The following KHDRBS2 variants were observed in gnomAD, a reference collection of about 807,000 sequenced individuals.
KHDRBS2 encodes KH RNA binding domain containing, signal transduction associated 2.
In KHDRBS2, 26 loss-of-function variants were observed where a neutral mutation model predicts 44.3. The ratio of observed to expected loss-of-function variants is 0.59; its 90% CI spans 0.43 to 0.81. The LOEUF is 0.81. KHDRBS2 is among the 40% of genes least tolerant of loss of function. The pLI is 0.00. For synonymous variants in KHDRBS2, 194 were observed against 151.1 expected, an observed-to-expected ratio of 1.28 and a Z score of -2.08; for missense variants, 476 against 433.1, an observed-to-expected ratio of 1.10 and a Z score of -0.88.
At chr6:61,609,379 C>G in the KHDRBS2 span, among the ~76,000 whole-genome samples, 93,583 of 151,956 alleles carry the variant, frequency 0.62, 29,027 homozygotes, top group Non-Finnish European at 0.65. Context: ...ATGACGACAA[C>G]AAAAACATTA....
intron 8 of KHDRBS2, among the ~76,000 whole-genome samples, chr6:61,693,281 C>CTACCTAA (rs1331964668): frequency 1.6e-4 from 24 of 152,206 alleles, no homozygotes; most frequent in Admixed American, 1.2e-3. Flanking sequence ...TTATCACCAA[C>CTACCTAA]TACCTAATAC....
chr6:61,603,540 C>G, the KHDRBS2 span, among the ~76,000 whole-genome samples: 2 of 152,144 alleles, frequency 1.3e-5, no homozygotes, highest in Admixed American at 6.5e-5. Context: ...TGCCCTGTAG[C>G]CTTTTTATCC....
chr6:62,103,753 C>T (rs1802473052), intron 2 of KHDRBS2, among the ~76,000 whole-genome samples: 1 of 152,174 alleles, frequency 6.6e-6, no homozygotes, highest in South Asian at 2.1e-4. Flanking sequence ...AGTGGCCCCT[C>T]CAGGCAGGCT....
rs532049917 is a variant in KHDRBS2 at position 62,035,263 on chromosome 6, G to A, written c.336+12615C>T. Among the ~76,000 whole-genome samples, 11 of 152,096 alleles carry A rather than the reference G, an allele frequency of 7.2e-5. No individual in the cohort carries two copies. The East Asian group carries it at 2.1e-3, about 29-fold the overall frequency. On this transcript the variant is annotated intron_variant, in intron 3 of 8. Transcript: ENST00000281156. ...CTATGTGTCCACCACCAGAGGAATGGATAAAGAAAATGTGGTACTTATACA... is the reference window on the plus strand; with the variant it reads ...CTATGTGTCCACCACCAGAGGAATGAATAAAGAAAATGTGGTACTTATACA...
intron 6 of KHDRBS2, among the ~76,000 whole-genome samples, chr6:61,812,205 C>T (rs1048059331): frequency 6.6e-6 from 1 of 151,874 alleles, no homozygotes; most frequent in African/African-American, 2.4e-5. Context: ...TTCCAACCAT[C>T]GAGACAAGAC....
chr6:62,171,464 G>T (rs747336356), intron 2 of KHDRBS2, among the ~76,000 whole-genome samples: 3 of 152,116 alleles, frequency 2.0e-5, no homozygotes, highest in Non-Finnish European at 4.4e-5. Flanking sequence ...CAACTCACTG[G>T]CATCCCTGAA....
rs549083398 is a variant in KHDRBS2, at chr6:61,934,152, T to G, written c.484-32781A>C. 1.4e-3 allele frequency among the ~76,000 whole-genome samples: 205 copies of G among 148,600 alleles called. 1 individual carries two copies. Among genetic ancestry groups the G allele is most frequent in the Middle Eastern group, 0.01 (3 of 290 alleles). Reference sequence around the variant, plus strand: ...TTTTTAATGTGAGTTATTTGTCGGGTTTTTTTTTGCAGTTGAATTGTTTGA... The same window carrying G: ...TTTTTAATGTGAGTTATTTGTCGGGGTTTTTTTTGCAGTTGAATTGTTTGA... On this transcript the variant is annotated intron_variant, in intron 4 of 8. Coordinates refer to ENST00000281156, the MANE Select transcript of KHDRBS2 (RefSeq NM_152688.4).
chr6:61,657,072 G>C, the KHDRBS2 span, among the ~76,000 whole-genome samples: 22 of 152,088 alleles, frequency 1.4e-4, no homozygotes, highest in East Asian at 4.3e-3. Context: ...ATGGTCCATA[G>C]AGAGAGTAGA....
intron 3 of KHDRBS2, among the ~76,000 whole-genome samples, chr6:62,005,753 TAAA>T (rs1779099159): frequency 6.6e-6 from 1 of 151,040 alleles, no homozygotes; most frequent in East Asian, 1.9e-4. Flanking sequence ...ATCATGCAAA[TAAA>T]AAACCTATAG....
At chr6:61,887,482 T>C (rs756160564) in intron 6 of KHDRBS2, among the ~76,000 whole-genome samples, 2 of 152,160 alleles carry the variant, frequency 1.3e-5, no homozygotes, top group Non-Finnish European at 2.9e-5. Context: ...TTACGATGTG[T>C]AACAAACTAA....
At chr6:61,860,736 G>A (rs549442995) in intron 6 of KHDRBS2, among the ~76,000 whole-genome samples, 2 of 152,156 alleles carry the variant, frequency 1.3e-5, no homozygotes, top group Admixed American at 1.3e-4. Context: ...TATATATCCA[G>A]TAATGAAATT....
At chr6:61,897,001 T>G (rs566250769) in intron 5 of KHDRBS2, among the ~76,000 whole-genome samples, 73 of 152,296 alleles carry the variant, frequency 4.8e-4, no homozygotes, top group African/African-American at 1.6e-3. Flanking sequence ...CTGGACCCAC[T>G]TTGGAATCTG....
chr6:61,910,401 C>T (rs193048149), intron 4 of KHDRBS2, among the ~76,000 whole-genome samples: 17 of 152,270 alleles, frequency 1.1e-4, no homozygotes, highest in Admixed American at 7.2e-4. Flanking sequence ...CTTTATAAAA[C>T]TTATTCATCA....
chr6:61,721,863 C>G (rs2127555815), intron 7 of KHDRBS2, among the ~76,000 whole-genome samples: 1 of 140,254 alleles, frequency 7.1e-6, no homozygotes, highest in South Asian at 2.3e-4. Context: ...TGCCAGTTTT[C>G]AAAGGGAATA....
intron 1 of KHDRBS2, among the ~76,000 whole-genome samples, chr6:62,274,574 A>T (rs1332455970): frequency 1.3e-5 from 2 of 152,126 alleles, no homozygotes; most frequent in Non-Finnish European, 2.9e-5. Flanking sequence ...CAGATTTTAG[A>T]GATGTTGTTT....
At position 62,159,405 on chromosome 6, in the gene KHDRBS2, C is replaced by T. The variant is rs1287162889; in HGVS notation, c.219+17780G>A. Among the ~76,000 whole-genome samples, 12 of 152,118 alleles carry T rather than the reference C, an allele frequency of 7.9e-5. No individual in the cohort carries two copies. The East Asian group carries it at 1.2e-3, about 15-fold the overall frequency. ...GAAAACAGCAATATTGAGCCTCTTT[C>T]GGAGTACTCATGATGTCACTGCTGC... On this transcript the variant is annotated intron_variant, in intron 2 of 8. Transcript: ENST00000281156.
intron 2 of KHDRBS2, among the ~76,000 whole-genome samples, chr6:62,049,493 CA>C (rs35805614): frequency 0.021 from 3,173 of 148,188 alleles, 96 homozygotes; most frequent in African/African-American, 0.072. Context: ...CAAAGAGCAC[CA>C]AAAAAAAAAA....
chr6:62,150,155 C>G (rs1330727646), intron 2 of KHDRBS2, among the ~76,000 whole-genome samples: 1 of 152,118 alleles, frequency 6.6e-6, no homozygotes, highest in African/African-American at 2.4e-5. Context: ...TTCAATCCAG[C>G]TGTGTTGGGT....
chr6:61,984,550 G>T (rs1430839253), intron 3 of KHDRBS2, among the ~76,000 whole-genome samples: 1 of 152,008 alleles, frequency 6.6e-6, no homozygotes, highest in African/African-American at 2.4e-5. Flanking sequence ...CTCTGGAGTG[G>T]TCTCCAATCA....
Sources: allele counts gnomAD v4.1 joint callset (sites outside exome capture counted in the v4.1 genomes callset), GRCh38; gene constraint gnomAD v4.1.1; transcripts MANE v1.5; gene names NCBI Gene and HGNC (gene_info 2026-07-23, HGNC 2026-07-21).